Variants in RASSF8 observed in about 807,000 individuals in gnomAD.
RASSF8 encodes Ras association domain family member 8.
A neutral mutation model predicts 48.5 loss-of-function variants in RASSF8; 22 were observed. The ratio of observed to expected loss-of-function variants is 0.45; its 90% CI spans 0.32 to 0.65. The LOEUF (loss-of-function observed/expected upper bound fraction) is 0.65, where lower values mean the gene tolerates loss of function less well. Ranked by LOEUF, RASSF8 falls within the 30% of genes least tolerant of loss-of-function variation. The pLI is 0.03. For missense variants in RASSF8, 418 were observed against 489.2 expected (o/e 0.85, Z 1.37); for synonymous variants, 127 against 171.5 (o/e 0.74, Z 2.03).
At chr12:26,005,278 C>T (rs1942363486) in intron 2 of RASSF8, among the ~76,000 whole-genome samples, 2 of 151,822 alleles carry the variant, frequency 1.3e-5, no homozygotes, top group Non-Finnish European at 2.9e-5. Context: ...TAATAGTTTG[C>T]AGGTTGAATT....
intron 2 of RASSF8, among the ~76,000 whole-genome samples, chr12:26,023,167 T>C (rs1016131565): frequency 5.3e-5 from 8 of 152,016 alleles, no homozygotes; most frequent in Admixed American, 5.2e-4. Context: ...GAGAAAAATA[T>C]GGACATCATT....
Position 25,959,138 on chromosome 12 carries a change from T to A in RASSF8, c.-213T>A, listed in dbSNP as rs1237073788. The A allele has an allele frequency of 6.6e-6, 1 of 151,540 alleles. No homozygotes were observed. The highest frequency in any genetic ancestry group is 1.5e-5 in the Non-Finnish European group (1 of 67,874). 9.4% of individuals were successfully genotyped at this position (151,540 alleles called of 1,614,324 possible). ...GGGCGGCCTGCGGGGGCGGCGCAGT[T>A]GCGAAACTGAGTAAGTATTAACTTT... On this transcript the variant is annotated 5_prime_UTR_variant, in exon 1 of 6. Transcript: ENST00000689635.
In RASSF8 at chr12:26,072,674, A is replaced by T. The variant is rs1223957966; in HGVS notation, c.*3856A>T. On this transcript the variant is annotated 3_prime_UTR_variant, in exon 6 of 6. Transcript: ENST00000689635. The stretch of plus-strand genomic sequence containing the variant: ...TAAACAGAAAATTGCCATGTTCACT[A>T]ATTGTGAGCACATAAATATGCTTTT... The T allele has an allele frequency of 1.0e-6, 1 of 984,682 alleles. No homozygotes were observed. The highest frequency in any genetic ancestry group is 1.2e-6 in the Non-Finnish European group (1 of 829,388). The allele number at this position is 984,682 out of a possible 1,614,324, so 61.0% of individuals were successfully genotyped here.
At chr12:25,983,646 A>C (rs1941795948) in intron 1 of RASSF8, among the ~76,000 whole-genome samples, 1 of 152,192 alleles carries the variant, frequency 6.6e-6, no homozygotes, top group African/African-American at 2.4e-5. Context: ...ATACCCTACA[A>C]CCCAGCACAT....
Position 26,071,476 on chromosome 12 carries a change from T to C in RASSF8, c.*2658T>C. The C allele has an allele frequency of 2.1e-6, 2 of 954,758 alleles. No individual in the cohort carries two copies. Among genetic ancestry groups the C allele is most frequent in the Non-Finnish European group, 2.5e-6 (2 of 801,992 alleles). The allele number at this position is 954,758 out of a possible 1,614,324, so 59.1% of individuals were successfully genotyped here. ...CAAGTATTAAATACATTTAAAGATC[T>C]TTTTATCTTACCAAGAAATAATTTG... On this transcript the variant is annotated 3_prime_UTR_variant, in exon 6 of 6. Transcript: ENST00000689635.
chr12:26,016,633 A>C (rs538228050), intron 2 of RASSF8, among the ~76,000 whole-genome samples: 1 of 152,264 alleles, frequency 6.6e-6, no homozygotes, highest in South Asian at 2.1e-4. Flanking sequence ...ATAAAATATA[A>C]AATTTCTAAA....
chr12:25,990,275 G>T (rs1316374924), intron 1 of RASSF8, among the ~76,000 whole-genome samples: 8 of 152,152 alleles, frequency 5.3e-5, no homozygotes, highest in Admixed American at 5.2e-4. Flanking sequence ...GATTTCTCTT[G>T]TATGAACTCT....
chr12:26,014,920 T>C (rs968824535), intron 2 of RASSF8, among the ~76,000 whole-genome samples: 2 of 151,688 alleles, frequency 1.3e-5, no homozygotes, highest in Non-Finnish European at 2.9e-5. Flanking sequence ...AAATATTCCA[T>C]ACAGGCTGGG....
At chr12:26,015,030 A>ACCCC (rs61247260) in intron 2 of RASSF8, among the ~76,000 whole-genome samples, 18,468 of 149,316 alleles carry the variant, frequency 0.12, 1,176 homozygotes, top group Non-Finnish European at 0.14. Flanking sequence ...ACATAGTGAG[A>ACCCC]CCCCGTCTGT....
rs950876414 is a variant in RASSF8 at position 25,985,482 on chromosome 12, G to T, written c.-202-9555G>T. ...GGTTTTCTGTCTATGGCAGTGCAGG[G>T]GTCCAGTTCATCTGGCCAGGGCCTT... On this transcript the variant is annotated intron_variant, in intron 1 of 5. Coordinates refer to ENST00000689635, the MANE Select transcript of RASSF8 (RefSeq NM_001394098.1). 3.3e-5 allele frequency among the ~76,000 whole-genome samples: 5 copies of T among 152,208 alleles called. No homozygotes were observed. In the East Asian group the frequency reaches 9.6e-4, roughly 29 times the overall value.
chr12:26,046,464 C>T (rs1451940479), intron 2 of RASSF8, among the ~76,000 whole-genome samples: 2 of 152,164 alleles, frequency 1.3e-5, no homozygotes, highest in African/African-American at 2.4e-5. Flanking sequence ...CATAGAGCAA[C>T]AGATGAGTAT....
chr12:25,966,702 A>G (rs955280709), intron 1 of RASSF8, among the ~76,000 whole-genome samples: 3 of 152,234 alleles, frequency 2.0e-5, no homozygotes, highest in African/African-American at 7.2e-5. Flanking sequence ...CATCAAATAT[A>G]TGCTTTGCAA....
intron 2 of RASSF8, among the ~76,000 whole-genome samples, chr12:26,014,902 TA>T (rs892037152): frequency 0.011 from 1,609 of 148,712 alleles, 29 homozygotes; most frequent in African/African-American, 0.031. Context: ...AAAACAGCAT[TA>T]AAAAAAAAAT....
intron 3 of RASSF8, among the ~76,000 whole-genome samples, chr12:26,062,700 T>A (rs202000269): frequency 6.6e-5 from 9 of 137,154 alleles, no homozygotes; most frequent in South Asian, 3.1e-4. Context: ...GGGGAAAAAA[T>A]AAATAAATAA....
rs145197069 is a variant in RASSF8 at position 26,028,040 on chromosome 12, G to A, written c.-108-27196G>A. Among the ~76,000 whole-genome samples the A allele has an allele frequency of 6.6e-4, 101 of 152,260 alleles. 1 individual carries two copies. Among genetic ancestry groups the A allele is most frequent in the Middle Eastern group, 3.4e-3 (1 of 294 alleles). On this transcript the variant is annotated intron_variant, in intron 2 of 5. Transcript: ENST00000689635. ...GTATGAAGAAAGCCCATGCAGCATCGGGGTCTTGGTGAACCTGTTGGAACT... is the reference window on the plus strand; with the variant it reads ...GTATGAAGAAAGCCCATGCAGCATCAGGGTCTTGGTGAACCTGTTGGAACT...
chr12:25,985,020 C>T (rs953942278), intron 1 of RASSF8, among the ~76,000 whole-genome samples: 2 of 152,118 alleles, frequency 1.3e-5, no homozygotes, highest in South Asian at 2.1e-4. Context: ...TAAACCACCA[C>T]CCTGGTCTTG....
rs7968101 is a variant in RASSF8, at chr12:25,969,101, A to G, written c.-203+9953A>G. On this transcript the variant is annotated intron_variant, in intron 1 of 5. Coordinates refer to ENST00000689635, the MANE Select transcript of RASSF8 (RefSeq NM_001394098.1). ...GAGCAAAGGGCTGGAGATGAGGCAG[A>G]GGAGGTAGTGGGGGTCCCTATACCT... Among the ~76,000 whole-genome samples the G allele has an allele frequency of 7.1e-3, 1,076 of 152,322 alleles. 17 individuals are homozygous for G. The highest frequency in any genetic ancestry group is 0.025 in the African/African-American group (1,029 of 41,564).
intron 2 of RASSF8, among the ~76,000 whole-genome samples, chr12:26,040,432 C>T (rs1480196800): frequency 6.6e-6 from 1 of 152,276 alleles, no homozygotes; most frequent in East Asian, 1.9e-4. Flanking sequence ...GGTGAAGTGG[C>T]ATCTTACCCG....
Position 26,072,649 on chromosome 12 carries a change from TA to T in RASSF8, c.*3834del. The T allele has an allele frequency of 1.0e-6, 1 of 985,196 alleles. No homozygotes were observed. Among genetic ancestry groups the T allele is most frequent in the Non-Finnish European group, 1.2e-6 (1 of 829,682 alleles). The allele number at this position is 985,196 out of a possible 1,614,324, so 61.0% of individuals were successfully genotyped here. Reference sequence around the variant, plus strand: ...AGGAGGATTTGAGTTGCTGCAGCTTTAAACAGAAAATTGCCATGTTCACTAA... The same window carrying T: ...AGGAGGATTTGAGTTGCTGCAGCTTTAACAGAAAATTGCCATGTTCACTAA... On this transcript the variant is annotated 3_prime_UTR_variant, in exon 6 of 6. Transcript: ENST00000689635.
Sources: gnomAD v4.1 joint callset for allele counts (sites outside exome capture counted in the v4.1 genomes callset) on GRCh38, gnomAD v4.1.1 for gene constraint, MANE v1.5 for transcripts, NCBI Gene and HGNC (gene_info 2026-07-23, HGNC 2026-07-21) for gene names.